The following ITSN1 variants were observed in gnomAD, a reference collection of about 807,000 sequenced individuals.
ITSN1 encodes the protein intersectin-1.
Under a neutral mutation model 239.8 loss-of-function variants are expected in ITSN1, and 58 were observed. That is an observed-to-expected ratio of 0.24 (90% confidence interval 0.20 to 0.30). The LOEUF (loss-of-function observed/expected upper bound fraction) is 0.30. Among genes scored for constraint, ITSN1 ranks in the 10% least tolerant of loss-of-function variants. The pLI is 1.00. For synonymous variants in ITSN1, 780 were observed against 770.8 expected (o/e 1.01, Z -0.20); for missense variants, 1,558 against 2,103.3 (o/e 0.74, Z 5.07).
chr21:33,838,632 T>C, intron 29 of ITSN1: 2 of 191,536 alleles, frequency 1.0e-5, no homozygotes, highest in Non-Finnish European at 1.9e-5. Flanking sequence ...ACAGACATTA[T>C]CAGAGGCTCG....
At chr21:33,687,704 C>A (rs1403994390) in intron 1 of ITSN1, among the ~76,000 whole-genome samples, 1 of 152,114 alleles carries the variant, frequency 6.6e-6, no homozygotes, top group Non-Finnish European at 1.5e-5. Flanking sequence ...GACAGTTGTT[C>A]GTAGCTTCTG....
chr21:33,857,619 A>G (rs868226818), intron 30 of ITSN1, among the ~76,000 whole-genome samples: 3 of 152,188 alleles, frequency 2.0e-5, no homozygotes, highest in Admixed American at 6.5e-5. Context: ...TCCAGGAAAG[A>G]CGCAGCAGGG....
At chr21:33,651,352 GGATA>G (rs1246404904) in intron 1 of ITSN1, among the ~76,000 whole-genome samples, 1 of 152,196 alleles carries the variant, frequency 6.6e-6, no homozygotes, top group African/African-American at 2.4e-5. Context: ...ATTGGAGGAT[GGATA>G]GAGAGGAACA....
chr21:33,804,577 G>T (rs1020219542), intron 20 of ITSN1, among the ~76,000 whole-genome samples: 2 of 152,174 alleles, frequency 1.3e-5, no homozygotes, highest in African/African-American at 2.4e-5. Flanking sequence ...GACCTTGATG[G>T]CTAAGGCTTA....
chr21:33,887,585 T>C (rs1374944757), intron 39 of ITSN1, among the ~76,000 whole-genome samples: 1 of 132,782 alleles, frequency 7.5e-6, no homozygotes, highest in South Asian at 2.6e-4. Flanking sequence ...AACTTCTAAT[T>C]CTTTTTTCTT....
rs944016552 is a variant in ITSN1, at chr21:33,890,398, T to A, written c.*2098T>A. ...TGTAGGTAGCGTATGGTATGCACAATGACAAACAATCGTTTTAGGTCCCAG... is the reference window on the plus strand; with the variant it reads ...TGTAGGTAGCGTATGGTATGCACAAAGACAAACAATCGTTTTAGGTCCCAG... On this transcript the variant is annotated 3_prime_UTR_variant, in exon 40 of 40. Coordinates refer to ENST00000381318, the MANE Select transcript of ITSN1 (RefSeq NM_003024.3). The A allele has an allele frequency of 6.6e-6, 1 of 152,236 alleles. No individual in the cohort carries two copies. The highest frequency in any genetic ancestry group is 2.4e-5 in the African/African-American group (1 of 41,470). 9.4% of individuals were successfully genotyped at this position (152,236 alleles called of 1,614,324 possible).
chr21:33,806,880 C>T (rs193082048), intron 20 of ITSN1, among the ~76,000 whole-genome samples: 2 of 152,274 alleles, frequency 1.3e-5, no homozygotes, highest in East Asian at 3.9e-4. Flanking sequence ...ATTTCTTGGT[C>T]TGCCATAATC....
intron 16 of ITSN1, among the ~76,000 whole-genome samples, chr21:33,784,471 C>G (rs1162527956): frequency 6.6e-6 from 1 of 152,110 alleles, no homozygotes; most frequent in Non-Finnish European, 1.5e-5. Context: ...TCACTGCACT[C>G]CTGCCTGGGC....
intron 12 of ITSN1, among the ~76,000 whole-genome samples, chr21:33,773,010 T>TG (rs923520079): frequency 1.9e-4 from 29 of 150,488 alleles, no homozygotes; most frequent in Non-Finnish European, 3.7e-4. Context: ...CTTTTTTTTT[T>TG]TTTTTTTTGT....
chr21:33,875,321 A>C, intron 33 of ITSN1, 33 bp from the exon 34 acceptor site: 1 of 1,613,592 alleles, frequency 6.2e-7, no homozygotes, highest in Non-Finnish European at 8.5e-7. Context: ...ACATTGCCTA[A>C]AAGGAGGTGG....
intron 1 of ITSN1, among the ~76,000 whole-genome samples, chr21:33,646,244 A>C (rs1423449407): frequency 2.0e-5 from 3 of 152,228 alleles, no homozygotes; most frequent in Non-Finnish European, 4.4e-5. Context: ...TCCCAGGCGT[A>C]GTGTGCTCAA....
chr21:33,877,929 A>T (rs1984229868), intron 34 of ITSN1, among the ~76,000 whole-genome samples: 1 of 137,748 alleles, frequency 7.3e-6, no homozygotes, highest in African/African-American at 2.8e-5. Context: ...TTGTTGGGTG[A>T]GTCATTCTGA....
intron 1 of ITSN1, among the ~76,000 whole-genome samples, chr21:33,680,360 CTCTG>C (rs1412575974): frequency 4.2e-5 from 6 of 143,624 alleles, no homozygotes; most frequent in African/African-American, 1.3e-4. Context: ...GAGACAGGGT[CTCTG>C]TCTGTTGCCC....
At chr21:33,766,055 A>T in intron 10 of ITSN1, 43 bp downstream of exon 10, 1 of 1,605,476 alleles carries the variant, frequency 6.2e-7, no homozygotes, top group Non-Finnish European at 8.5e-7. Context: ...TGCGGAGTAT[A>T]TGAATTCCAA....
At position 33,823,665 on chromosome 21, in the gene ITSN1, T is replaced by C; in HGVS notation, c.3183+12T>C. ...TTAAAGATTCAGAGGTAAACCCACA[T>C]TAACTGTTTCCTCTCCCTTTCTGTG... On this transcript the variant is annotated intron_variant, in intron 25 of 39. Coordinates refer to ENST00000381318, the MANE Select transcript of ITSN1 (RefSeq NM_003024.3). The C allele has an allele frequency of 6.2e-7, 1 of 1,608,918 alleles. No individual in the cohort carries two copies. Among genetic ancestry groups the C allele is most frequent in the Non-Finnish European group, 8.5e-7 (1 of 1,177,338 alleles).
chr21:33,750,139 A>G lies in ITSN1; in HGVS notation c.347-4A>G, dbSNP rs757122638. 1.2e-6 allele frequency: 2 copies of G among 1,613,596 alleles called. No homozygotes were observed. The highest frequency in any genetic ancestry group is 2.2e-5 in the South Asian group (2 of 90,996). On this transcript the variant is annotated splice_region_variant and splice_polypyrimidine_tract_variant and intron_variant, in intron 5 of 39. Transcript: ENST00000381318. Reference sequence around the variant, plus strand: ...AATGGTGTTGAGCTGTTTTTTCTTCATAGGTATGGGAGGTATCGCCAGCAT... The same window carrying G: ...AATGGTGTTGAGCTGTTTTTTCTTCGTAGGTATGGGAGGTATCGCCAGCAT...
chr21:33,652,666 G>C (rs770478960), intron 1 of ITSN1, among the ~76,000 whole-genome samples: 34 of 152,082 alleles, frequency 2.2e-4, no homozygotes, highest in Non-Finnish European at 4.1e-4. Flanking sequence ...TACCAGGACT[G>C]GGTAAAACCA....
At chr21:33,855,292 G>T (rs551323318) in intron 29 of ITSN1, among the ~76,000 whole-genome samples, 2 of 152,344 alleles carry the variant, frequency 1.3e-5, no homozygotes, top group East Asian at 3.9e-4. Flanking sequence ...TTCAGCCGGG[G>T]CATCTCTAGC....
intron 39 of ITSN1, among the ~76,000 whole-genome samples, chr21:33,886,891 A>G (rs1214658025): frequency 6.6e-6 from 1 of 152,224 alleles, no homozygotes; most frequent in Non-Finnish European, 1.5e-5. Context: ...TGTACCACTT[A>G]TTAAGTAGGC....
Sources: gnomAD v4.1 joint callset for allele counts (sites outside exome capture counted in the v4.1 genomes callset) on GRCh38, gnomAD v4.1.1 for gene constraint, MANE v1.5 for transcripts, NCBI Gene and HGNC (gene_info 2026-07-23, HGNC 2026-07-21) for gene names.